The following SGCD variants were observed in gnomAD, a reference collection of about 807,000 sequenced individuals.
The protein encoded by SGCD is delta-sarcoglycan.
Under a neutral mutation model 36.6 loss-of-function variants are expected in SGCD, and 18 were observed. That is an observed-to-expected ratio of 0.49 (90% CI 0.34 to 0.73). The LOEUF (loss-of-function observed/expected upper bound fraction) is 0.73. Ranked by LOEUF, SGCD falls within the 30% of genes least tolerant of loss-of-function variation. The pLI, the probability that SGCD is intolerant of heterozygous loss-of-function variation, is 0.01. For synonymous variants in SGCD, 133 were observed against 130.6 expected (o/e 1.02, Z -0.12); for missense variants, 387 against 346.7 (o/e 1.12, Z -0.92).
intron 7 of SGCD, among the ~76,000 whole-genome samples, chr5:156,712,112 G>GT (rs777916715): frequency 5.5e-4 from 83 of 152,264 alleles, no homozygotes; most frequent in South Asian, 1.9e-3. Context: ...ACTGCAACCT[G>GT]TTTTATTAGC....
intron 3 of SGCD, among the ~76,000 whole-genome samples, chr5:156,193,191 A>G (rs1002734426): frequency 6.6e-6 from 1 of 152,106 alleles, no homozygotes; most frequent in African/African-American, 2.4e-5. Context: ...GGTTCTGAAG[A>G]AGAGCAGCTG....
chr5:155,750,429 C>T, the SGCD span, among the ~76,000 whole-genome samples: 2 of 152,018 alleles, frequency 1.3e-5, no homozygotes, highest in Non-Finnish European at 2.9e-5. Flanking sequence ...TATAATTTTC[C>T]CTTATCTCAT....
chr5:156,527,283 A>T (rs1375432648), intron 4 of SGCD, among the ~76,000 whole-genome samples: 1 of 151,332 alleles, frequency 6.6e-6, no homozygotes, highest in Non-Finnish European at 1.5e-5. Flanking sequence ...TTAAGATCAG[A>T]AAAAAAACAT....
At chr5:156,141,166 A>T (rs1378964299) in intron 3 of SGCD, among the ~76,000 whole-genome samples, 1 of 152,184 alleles carries the variant, frequency 6.6e-6, no homozygotes, top group African/African-American at 2.4e-5. Flanking sequence ...GGCTGCCTCT[A>T]CCTAAATTTC....
intron 3 of SGCD, among the ~76,000 whole-genome samples, chr5:156,473,638 G>C (rs183943259): frequency 3.3e-5 from 5 of 152,174 alleles, no homozygotes; most frequent in Non-Finnish European, 5.9e-5. Flanking sequence ...AAACTCCTTG[G>C]GAGTGTCATC....
chr5:156,510,592 T>C (rs1756886325), intron 4 of SGCD, among the ~76,000 whole-genome samples: 1 of 152,208 alleles, frequency 6.6e-6, no homozygotes, highest in South Asian at 2.1e-4. Flanking sequence ...GTAAATATTT[T>C]AGTTTTATTT....
chr5:156,406,819 T>C (rs868016623), intron 3 of SGCD, among the ~76,000 whole-genome samples: 2,396 of 104,264 alleles, frequency 0.023, 118 homozygotes, highest in African/African-American at 0.035. Flanking sequence ...TATATATATA[T>C]ACACACACAC....
intron 1 of SGCD, among the ~76,000 whole-genome samples, chr5:156,083,707 GT>G (rs896499107): frequency 2.0e-5 from 3 of 150,808 alleles, no homozygotes; most frequent in African/African-American, 7.3e-5. Context: ...AAATTTTACA[GT>G]TTATATTTTT....
At chr5:155,955,311 T>C (rs1757628791) in intron 1 of SGCD, among the ~76,000 whole-genome samples, 1 of 152,100 alleles carries the variant, frequency 6.6e-6, no homozygotes, top group Non-Finnish European at 1.5e-5. Context: ...TTCAATAAAT[T>C]TGAAGTATTT....
At chr5:156,406,018 T>TAAAAAAAAAAA (rs10529406) in intron 3 of SGCD, among the ~76,000 whole-genome samples, 14 of 103,980 alleles carry the variant, frequency 1.3e-4, no homozygotes, top group African/African-American at 2.5e-4. Context: ...TATCTTTGCT[T>TAAAAAAAAAAA]AAAAAAAAAA....
intron 4 of SGCD, among the ~76,000 whole-genome samples, chr5:156,570,099 A>G (rs1759658365): frequency 6.6e-6 from 1 of 152,200 alleles, no homozygotes; most frequent in Non-Finnish European, 1.5e-5. Context: ...AAGCAGGAAA[A>G]TCAATATGGA....
intron 1 of SGCD, among the ~76,000 whole-genome samples, chr5:156,117,099 C>G (rs1423722603): frequency 1.3e-5 from 2 of 151,980 alleles, no homozygotes; most frequent in Admixed American, 1.3e-4. Context: ...ATGATTGATT[C>G]ATTTTCCTAT....
chr5:156,450,545 A>AAAG (rs1561703799), intron 3 of SGCD, among the ~76,000 whole-genome samples: 2 of 149,432 alleles, frequency 1.3e-5, no homozygotes, highest in Admixed American at 6.6e-5. Context: ...TTAAAAAAAA[A>AAAG]AAAAGAAAAG....
At chr5:156,073,281 C>T (rs1012569747) in intron 1 of SGCD, among the ~76,000 whole-genome samples, 4 of 152,120 alleles carry the variant, frequency 2.6e-5, no homozygotes, top group African/African-American at 9.7e-5. Flanking sequence ...ACTCTCTCAC[C>T]CAGGCCAGTC....
chr5:156,017,179 G>A (rs1305322837), intron 1 of SGCD, among the ~76,000 whole-genome samples: 1 of 152,124 alleles, frequency 6.6e-6, no homozygotes, highest in Non-Finnish European at 1.5e-5. Context: ...AAATATCTTT[G>A]TAAAGTGTCT....
chr5:156,444,682 A>G (rs915083319), intron 3 of SGCD, among the ~76,000 whole-genome samples: 4 of 152,126 alleles, frequency 2.6e-5, no homozygotes, highest in Admixed American at 6.6e-5. Flanking sequence ...AAACTACCAT[A>G]AATAGCTTTT....
rs940452408 is a variant in SGCD, at chr5:155,890,987, C to G, written c.-282+20563C>G. Among the ~76,000 whole-genome samples, 39 of 151,900 alleles carry G rather than the reference C, an allele frequency of 2.6e-4. 1 individual carries two copies. The highest frequency in any genetic ancestry group is 5.9e-5 in the Non-Finnish European group (4 of 67,964). ...CTCCCTACCATGTGGGAAAGAAATT[C>G]ACAAAAAAAGACTGGGTTGTCCCTA... On this transcript the variant is annotated intron_variant, in intron 1 of 9. Transcript: ENST00000517913.
At position 156,189,149 on chromosome 5, in the gene SGCD, C is replaced by T. The variant is rs911772511; in HGVS notation, c.-44+65130C>T. Among the ~76,000 whole-genome samples the T allele has an allele frequency of 4.6e-5, 7 of 152,292 alleles. No homozygotes were observed. In the East Asian group the frequency reaches 1.2e-3, roughly 25 times the overall value. The stretch of plus-strand genomic sequence containing the variant: ...AGGGTTATAATTTCCTTCTCTTTGC[C>T]TCCTTTAACATCCAACAAACCTAAC... On this transcript the variant is annotated intron_variant, in intron 3 of 9. Transcript: ENST00000517913.
At chr5:156,335,898 G>A (rs993543465) in intron 2 of SGCD, among the ~76,000 whole-genome samples, 1 of 152,144 alleles carries the variant, frequency 6.6e-6, no homozygotes, top group East Asian at 1.9e-4. Flanking sequence ...CTCTGAAGAC[G>A]ATTGCAGTAG....
Sources: gnomAD v4.1 joint callset for allele counts (sites outside exome capture counted in the v4.1 genomes callset) on GRCh38, gnomAD v4.1.1 for gene constraint, MANE v1.5 for transcripts, NCBI Gene and HGNC (gene_info 2026-07-23, HGNC 2026-07-21) for gene names.